Variants in GARIN2 observed in about 807,000 individuals in gnomAD.
GARIN2 encodes the protein golgi associated RAB2 interactor family member 2, also known as Golgi-associated RAB2 interactor protein 2.
the GARIN2 span, among the ~76,000 whole-genome samples, chr14:67,217,167 C>CT: frequency 0.17 from 25,570 of 148,896 alleles, 3,660 homozygotes; most frequent in East Asian, 0.44. Context: ...CTTTCTTCAT[C>CT]TTTTTTTTTT....
At chr14:67,226,245 G>A in the GARIN2 span, among the ~76,000 whole-genome samples, 3 of 152,198 alleles carry the variant, frequency 2.0e-5, no homozygotes, top group Non-Finnish European at 4.4e-5. Flanking sequence ...AGGCTGGAGT[G>A]CAGTGGCGCA....
chr14:67,211,191 A>G, the GARIN2 span, among the ~76,000 whole-genome samples: 1 of 152,062 alleles, frequency 6.6e-6, no homozygotes, highest in African/African-American at 2.4e-5. Flanking sequence ...TGATATTAAA[A>G]CCCTCACAAT....
the GARIN2 span, among the ~76,000 whole-genome samples, chr14:67,211,381 T>G: frequency 6.6e-6 from 1 of 152,134 alleles, no homozygotes; most frequent in South Asian, 2.1e-4. Flanking sequence ...ACACAGGATG[T>G]CTGAAGTAAT....
chr14:67,212,633 AATATATATTAC>A, the GARIN2 span, among the ~76,000 whole-genome samples: 4 of 145,754 alleles, frequency 2.7e-5, no homozygotes. Context: ...TATTATATAT[AATATATATTAC>A]ATATATATAT....
chr14:67,219,667 A>C, the GARIN2 span, among the ~76,000 whole-genome samples: 1 of 152,228 alleles, frequency 6.6e-6, no homozygotes, highest in Non-Finnish European at 1.5e-5. Context: ...AGAAATGATA[A>C]AAAATGAATC....
chr14:67,206,765 C>A, the GARIN2 span, among the ~76,000 whole-genome samples: 45 of 152,044 alleles, frequency 3.0e-4, no homozygotes, highest in East Asian at 8.7e-3. Context: ...CAGTCTCACT[C>A]CGTTGCCCAG....
At chr14:67,213,535 G>A in the GARIN2 span, among the ~76,000 whole-genome samples, 1 of 151,728 alleles carries the variant, frequency 6.6e-6, no homozygotes, top group Admixed American at 6.6e-5. Flanking sequence ...TGGTGTATAT[G>A]TGCCACATTT....
At chr14:67,203,599 G>C in the GARIN2 span, among the ~76,000 whole-genome samples, 1 of 152,174 alleles carries the variant, frequency 6.6e-6, no homozygotes, top group Non-Finnish European at 1.5e-5. Context: ...AATTAGCTCT[G>C]GTCCTGTCTC....
At chr14:67,225,615 C>T in the GARIN2 span, among the ~76,000 whole-genome samples, 4 of 152,068 alleles carry the variant, frequency 2.6e-5, no homozygotes, top group Admixed American at 1.3e-4. Flanking sequence ...ATCAAGACCT[C>T]TTTTTTTTCA....
At chr14:67,225,220 CAG>C in the GARIN2 span, 1 of 1,527,894 alleles carries the variant, frequency 6.5e-7, no homozygotes, top group South Asian at 1.3e-5. Context: ...AAAAGTAAAA[CAG>C]AAAAAGACAA....
the GARIN2 span, among the ~76,000 whole-genome samples, chr14:67,192,106 C>T: frequency 7.6e-3 from 1,161 of 152,314 alleles, 13 homozygotes; most frequent in Non-Finnish European, 7.7e-3. Context: ...CGCTCTGCAG[C>T]GCAGCAAAAG....
the GARIN2 span, chr14:67,200,062 C>G: frequency 1.1e-6 from 1 of 944,528 alleles, no homozygotes. Context: ...ACAGCCACCA[C>G]CCCAACCACC....
chr14:67,200,012 G>A, the GARIN2 span: 7 of 983,034 alleles, frequency 7.1e-6, no homozygotes, highest in Non-Finnish European at 1.1e-5. Flanking sequence ...GGACCTCATG[G>A]TTTAGGACAT....
At chr14:67,212,367 C>T in the GARIN2 span, among the ~76,000 whole-genome samples, 5 of 151,716 alleles carry the variant, frequency 3.3e-5, no homozygotes, top group South Asian at 2.1e-4. Flanking sequence ...ATGGGCAGAT[C>T]GCTCAAGCCA....
chr14:67,201,654 G>A, the GARIN2 span: 491 of 398,080 alleles, frequency 1.2e-3, 3 homozygotes, highest in Non-Finnish European at 1.7e-3. Flanking sequence ...AAGTTAATCA[G>A]GATTTAATCC....
At chr14:67,202,607 T>A in the GARIN2 span, among the ~76,000 whole-genome samples, 1 of 152,230 alleles carries the variant, frequency 6.6e-6, no homozygotes, top group Non-Finnish European at 1.5e-5. Flanking sequence ...GTTTGTGGAA[T>A]TTATTAATTG....
the GARIN2 span, among the ~76,000 whole-genome samples, chr14:67,192,788 ATGTG>A: frequency 6.8e-6 from 1 of 148,058 alleles, no homozygotes; most frequent in Non-Finnish European, 1.5e-5. Flanking sequence ...ATATATATGT[ATGTG>A]TGTGTATATA....
At chr14:67,218,958 C>T in the GARIN2 span, among the ~76,000 whole-genome samples, 974 of 152,002 alleles carry the variant, frequency 6.4e-3, 12 homozygotes, top group African/African-American at 0.022. Flanking sequence ...GTGGTGTTGT[C>T]GTGTTCAGCC....
At chr14:67,193,814 G>A in the GARIN2 span, among the ~76,000 whole-genome samples, 29 of 148,772 alleles carry the variant, frequency 1.9e-4, no homozygotes, top group South Asian at 5.5e-3. Flanking sequence ...GTATGGTAGC[G>A]TGTACCTGTA....
Sources: gnomAD v4.1 joint callset for allele counts (sites outside exome capture counted in the v4.1 genomes callset) on GRCh38, gnomAD v4.1.1 for gene constraint, MANE v1.5 for transcripts, NCBI Gene and HGNC (gene_info 2026-07-23, HGNC 2026-07-21) for gene names.